The following RPL29 variants were observed in gnomAD, a reference collection of about 807,000 sequenced individuals.
RPL29 encodes the protein large ribosomal subunit protein eL29.
RPL29 carries 4 observed loss-of-function variants against 7.2 expected under a neutral mutation model. The observed-to-expected ratio is 0.55, with a 90% CI of 0.27 to 1.26. The LOEUF (loss-of-function observed/expected upper bound fraction) is 1.26. RPL29 is among the 50% of genes most tolerant of loss of function. The pLI is 0.11. For synonymous variants in RPL29, 73 were observed against 72.8 expected, an observed-to-expected ratio of 1.00 and a Z score of -0.01; for missense variants, 148 against 209.1, an observed-to-expected ratio of 0.71 and a Z score of 1.80.
rs542377403 is a variant in RPL29 at position 51,994,708 on chromosome 3, G to A, written c.102+334C>T. On this transcript the variant is annotated intron_variant, in intron 3 of 3. Coordinates refer to ENST00000294189, the MANE Select transcript of RPL29 (RefSeq NM_000992.3). Reference sequence around the variant, plus strand: ...CCCAACTCCAGCACTGGGTCAGATGGAGGTCATAAGGCTGGTCAGTGTGGG... The same window carrying A: ...CCCAACTCCAGCACTGGGTCAGATGAAGGTCATAAGGCTGGTCAGTGTGGG... 5 of 630,844 alleles carry A rather than the reference G, an allele frequency of 7.9e-6. No homozygotes were observed. The African/African-American group carries it at 9.1e-5, about 11-fold the overall frequency. The allele number at this position is 630,844 out of a possible 1,614,324, so 39.1% of individuals were successfully genotyped here.
chr3:51,993,570 A>G lies in RPL29; in HGVS notation c.*179T>C. 2 of 657,294 alleles carry G rather than the reference A, an allele frequency of 3.0e-6. No homozygotes were observed. Among genetic ancestry groups the G allele is most frequent in the South Asian group, 2.1e-5 (1 of 47,572 alleles). 40.7% of individuals were successfully genotyped at this position (657,294 alleles called of 1,614,324 possible). On this transcript the variant is annotated 3_prime_UTR_variant, in exon 4 of 4. Transcript: ENST00000294189. ...ACCATCCAGACCCATGTCTTCTCCC[A>G]CACCAACAGATGGAGCAACCAAACC...
At chr3:51,995,495 G>GTTAAGGGC in intron 1 of RPL29, 26 bp from the exon 2 acceptor site, 1 of 1,612,646 alleles carries the variant, frequency 6.2e-7, no homozygotes, top group Non-Finnish European at 8.5e-7. Context: ...GGAGATCAGG[G>GTTAAGGGC]TTAAGGGCTC....
rs1003495295 is a variant in RPL29 at position 51,995,176 on chromosome 3, C to T, written c.38-70G>A. 2.0e-5 allele frequency: 27 copies of T among 1,359,212 alleles called. No homozygotes were observed. The African/African-American group carries it at 3.9e-4, about 20-fold the overall frequency. 84.2% of individuals were successfully genotyped at this position (1,359,212 alleles called of 1,614,324 possible). Reference sequence around the variant, plus strand: ...CTAATAAGACCACCCAACATCACAGCTGGCAAGTCTGGGAGAACCAACACT... The same window carrying T: ...CTAATAAGACCACCCAACATCACAGTTGGCAAGTCTGGGAGAACCAACACT... On this transcript the variant is annotated intron_variant, in intron 2 of 3. Transcript: ENST00000294189.
chr3:51,995,782 T>G, intron 1 of RPL29, 75 bp downstream of exon 1: 1 of 375,058 alleles, frequency 2.7e-6, no homozygotes. Flanking sequence ...CGGTCACCAG[T>G]CCTCTCCGCA....
chr3:51,994,872 G>A (rs1437167156), intron 3 of RPL29, 170 bp downstream of exon 3: 7 of 768,764 alleles, frequency 9.1e-6, no homozygotes, highest in Non-Finnish European at 1.7e-5. Context: ...GGAGACCAAG[G>A]AAAGCTTTAT....
At position 51,993,742 on chromosome 3, in the gene RPL29, G is replaced by A. The variant is rs1062409; in HGVS notation, c.*7C>T. On this transcript the variant is annotated 3_prime_UTR_variant, in exon 4 of 4. Coordinates refer to ENST00000294189, the MANE Select transcript of RPL29 (RefSeq NM_000992.3). ...CAGTCCTTCTGTCCTCATGTTGGCA[G>A]AGATATCTACTCTGAAGCCTTTGTA... 1 of 1,573,104 alleles carries A rather than the reference G, an allele frequency of 6.4e-7. No homozygotes were observed. Among genetic ancestry groups the A allele is most frequent in the Non-Finnish European group, 8.6e-7 (1 of 1,164,578 alleles).
At chr3:51,994,445 G>T in intron 3 of RPL29, 1 of 368,252 alleles carries the variant, frequency 2.7e-6, no homozygotes. Context: ...ATCCCCTCAG[G>T]GACACCCCCT....
intron 3 of RPL29, chr3:51,994,742 C>T: frequency 2.9e-6 from 2 of 688,118 alleles, no homozygotes; most frequent in Non-Finnish European, 5.3e-6. Flanking sequence ...GGAATGTGCC[C>T]TGCACGCACT....
chr3:51,995,063 T>A lies in RPL29; in HGVS notation c.81A>T (p.Gln27His), dbSNP rs1187350621. 1 of 1,612,516 alleles carries A rather than the reference T, an allele frequency of 6.2e-7. No individual in the cohort carries two copies. The highest frequency in any genetic ancestry group is 1.3e-5 in the African/African-American group (1 of 74,892). The change falls in exon 3 of 4, where the codon CAA (glutamine) becomes CAT (histidine). Residue 27 changes from glutamine to histidine, a missense_variant. Coordinates refer to ENST00000294189, the MANE Select transcript of RPL29 (RefSeq NM_000992.3). ...HRNGIKKPRS[Q>H]RYESLKGVDP... ...TCACCCCCTTAAGAGATTCGTATCTTTGTGATCGGGGTTTCTTGATACCAT... is the reference window on the plus strand; with the variant it reads ...TCACCCCCTTAAGAGATTCGTATCTATGTGATCGGGGTTTCTTGATACCAT...
chr3:51,994,198 G>A, intron 3 of RPL29, 72 bp from the exon 4 acceptor site: 1 of 1,500,568 alleles, frequency 6.7e-7, no homozygotes, highest in Non-Finnish European at 8.9e-7. Flanking sequence ...CTCTCCATAG[G>A]GGTACCCAGC....
intron 3 of RPL29, 184 bp downstream of exon 3, chr3:51,994,858 C>T (rs780945773): frequency 1.3e-6 from 1 of 740,780 alleles, no homozygotes; most frequent in Non-Finnish European, 2.5e-6. Flanking sequence ...ACACTTCAGG[C>T]TGTGGAGACC....
intron 3 of RPL29, 101 bp from the exon 4 acceptor site, chr3:51,994,227 A>C (rs569454036): frequency 7.1e-6 from 10 of 1,412,000 alleles, no homozygotes; most frequent in South Asian, 4.4e-5. Flanking sequence ...GACAGCATCA[A>C]GTCAACCTCA....
chr3:51,995,006 A>G, intron 3 of RPL29, 36 bp downstream of exon 3: 1 of 1,583,204 alleles, frequency 6.3e-7, no homozygotes, highest in Non-Finnish European at 8.7e-7. Flanking sequence ...ACCTGGAACC[A>G]AGAAAAGACA....
chr3:51,994,619 C>T, intron 3 of RPL29: 1 of 522,302 alleles, frequency 1.9e-6, no homozygotes, highest in Non-Finnish European at 3.5e-6. Context: ...CTCAGCTCTC[C>T]CCTAGACCCT....
chr3:51,995,563 G>C (rs1170632164), intron 1 of RPL29, 94 bp from the exon 2 acceptor site: 1 of 1,222,272 alleles, frequency 8.2e-7, no homozygotes, highest in Non-Finnish European at 1.2e-6. Flanking sequence ...TGCAGGCAGA[G>C]AATGTGCAGC....
At position 51,995,870 on chromosome 3, in the gene RPL29, T is replaced by C. The variant is rs984038413; in HGVS notation, c.-22A>G. On this transcript the variant is annotated 5_prime_UTR_variant, in exon 1 of 4. Coordinates refer to ENST00000294189, the MANE Select transcript of RPL29 (RefSeq NM_000992.3). Reference sequence around the variant, plus strand: ...GCCAACACTCACCATAAGCCGCGGCTCCCGAAGCGCCTAGAACCGGAAGAG... The same window carrying C: ...GCCAACACTCACCATAAGCCGCGGCCCCCGAAGCGCCTAGAACCGGAAGAG... 2 of 224,296 alleles carry C rather than the reference T, an allele frequency of 8.9e-6. No homozygotes were observed. Among genetic ancestry groups the C allele is most frequent in the Non-Finnish European group, 9.0e-6 (1 of 110,694 alleles). 13.9% of individuals were successfully genotyped at this position (224,296 alleles called of 1,614,324 possible). A position where few individuals can be genotyped will look rare whatever the true frequency, so the allele number is the denominator to read the frequency against.
chr3:51,995,162 A>G, intron 2 of RPL29, 56 bp from the exon 3 acceptor site: 1 of 1,437,132 alleles, frequency 7.0e-7, no homozygotes, highest in Non-Finnish European at 9.7e-7. Flanking sequence ...TAATAAGACC[A>G]CCCAACATCA....
At chr3:51,994,301 C>G (rs989122869) in intron 3 of RPL29, 175 bp from the exon 4 acceptor site, 99 of 771,194 alleles carry the variant, frequency 1.3e-4, no homozygotes, top group African/African-American at 1.7e-5. Context: ...CCCCAGGGAG[C>G]CAATACGCCA....
At chr3:51,995,497 T>C in intron 1 of RPL29, 28 bp from the exon 2 acceptor site, 2 of 1,612,270 alleles carry the variant, frequency 1.2e-6, no homozygotes, top group Admixed American at 1.7e-5. Context: ...AGATCAGGGT[T>C]AAGGGCTCGC....
Sources: gnomAD v4.1 joint callset for allele counts on GRCh38, gnomAD v4.1.1 for gene constraint, MANE v1.5 for transcripts, NCBI Gene and HGNC (gene_info 2026-07-23, HGNC 2026-07-21) for gene names.